Variants in TTC23L observed in about 807,000 individuals in gnomAD.
TTC23L encodes the protein tetratricopeptide repeat domain 23 like.
TTC23L carries 42 observed loss-of-function variants against 48.1 expected under a neutral mutation model. The observed-to-expected ratio is 0.87, with a 90% confidence interval of 0.68 to 1.13. The LOEUF is 1.13. TTC23L is among the 50% of genes most tolerant of loss of function. The pLI is 0.00. For missense variants in TTC23L, 391 were observed against 421.0 expected, an observed-to-expected ratio of 0.93 and a Z score of 0.62; for synonymous variants, 159 against 157.2, an observed-to-expected ratio of 1.01 and a Z score of -0.09.
At chr5:34,847,390 A>G (rs1759296173) in intron 3 of TTC23L, among the ~76,000 whole-genome samples, 1 of 152,172 alleles carries the variant, frequency 6.6e-6, no homozygotes, top group Non-Finnish European at 1.5e-5. Flanking sequence ...AGATCTTAGG[A>G]GAGAAATCTG....
chr5:34,873,875 G>A (rs1346239659), intron 8 of TTC23L, among the ~76,000 whole-genome samples: 1 of 152,142 alleles, frequency 6.6e-6, no homozygotes, highest in Admixed American at 6.5e-5. Context: ...TAGGCTGAAG[G>A]TATTTAAGCA....
In TTC23L at chr5:34,869,146, C is replaced by T. The variant is rs1761268236; in HGVS notation, c.949+133C>T. On this transcript the variant is annotated intron_variant, in intron 8 of 10. Transcript: ENST00000505624. ...AAATTAGGTGGGTCACAGTCTCATA[C>T]AAAATCAATTACACATTAATTTAAA... The T allele has an allele frequency of 1.6e-5, 11 of 669,626 alleles. 1 individual carries two copies. The highest frequency in any genetic ancestry group is 1.3e-4 in the South Asian group (7 of 55,832). The allele number at this position is 669,626 out of a possible 1,614,324, so 41.5% of individuals were successfully genotyped here. A position where few individuals can be genotyped will look rare whatever the true frequency, so the allele number is the denominator to read the frequency against.
the TTC23L span, among the ~76,000 whole-genome samples, chr5:34,904,790 T>C: frequency 5.8e-4 from 89 of 152,200 alleles, no homozygotes; most frequent in African/African-American, 2.1e-3. Flanking sequence ...AGCAAGACCA[T>C]TTTGGAATCA....
rs1345829643 is a variant in TTC23L, at chr5:34,846,571, AAAAAAAT to A, written c.255+900_255+906del. 5.6e-3 allele frequency among the ~76,000 whole-genome samples: 646 copies of A among 115,150 alleles called. 106 individuals are homozygous for A. Among genetic ancestry groups the A allele is most frequent in the African/African-American group, 0.023 (570 of 25,136 alleles). 75.5% of individuals were successfully genotyped at this position (115,150 alleles called of 152,430 possible). On this transcript the variant is annotated intron_variant, in intron 3 of 10. Coordinates refer to ENST00000505624, the Ensembl canonical transcript of TTC23L. Reference sequence around the variant, plus strand: ...AGCTAGACTCTGTCTCAAAAAAAAAAAAAAAATATATATATATATATATATATATACA... The same window carrying A: ...AGCTAGACTCTGTCTCAAAAAAAAAAATATATATATATATATATATATACA...
chr5:34,911,917 A>C, the TTC23L span: 1 of 1,298,640 alleles, frequency 7.7e-7, no homozygotes, highest in Admixed American at 2.2e-5. Context: ...ATTCCGCCCA[A>C]TTTCTCACAT....
chr5:34,867,189 C>T, intron 7 of TTC23L, 120 bp downstream of exon 7: 1 of 1,069,972 alleles, frequency 9.3e-7, no homozygotes, highest in Non-Finnish European at 1.4e-6. Flanking sequence ...TCTGTTTTAA[C>T]CCTGACTTTC....
exon 5 of TTC23L, chr5:34,862,948 T>A: frequency 1.2e-6 from 2 of 1,613,992 alleles, no homozygotes; most frequent in African/African-American, 1.3e-5. Context: ...GAATACACTG[T>A]TGACCTGGAA....
intron 4 of TTC23L, among the ~76,000 whole-genome samples, chr5:34,862,264 A>C (rs1554019504): frequency 6.6e-6 from 1 of 152,082 alleles, no homozygotes; most frequent in Admixed American, 6.5e-5. Flanking sequence ...CTTTCTTTTT[A>C]TGTGTGTTGT....
chr5:34,879,391 C>T (rs891383366), intron 8 of TTC23L, among the ~76,000 whole-genome samples: 6 of 152,044 alleles, frequency 3.9e-5, no homozygotes, highest in East Asian at 3.8e-4. Flanking sequence ...TTGATATAAA[C>T]GTATTATGTT....
At chr5:34,914,092 G>A in the TTC23L span, 7 of 426,624 alleles carry the variant, frequency 1.6e-5, no homozygotes, top group Middle Eastern at 6.8e-4. Context: ...GTGCACTTAC[G>A]TGTTAAAAAA....
chr5:34,855,940 T>A (rs1760096206), intron 4 of TTC23L, among the ~76,000 whole-genome samples: 1 of 152,206 alleles, frequency 6.6e-6, no homozygotes, highest in South Asian at 2.1e-4. Context: ...GTTTACTTTT[T>A]CTTATAATTT....
intron 9 of TTC23L, among the ~76,000 whole-genome samples, chr5:34,892,252 T>C (rs1762916972): frequency 1.3e-5 from 2 of 152,230 alleles, no homozygotes; most frequent in Admixed American, 6.5e-5. Flanking sequence ...CTCACTGGAC[T>C]TTCATTGCTA....
chr5:34,921,907 CAAAAAAA>C, the TTC23L span: 1 of 31,416 alleles, frequency 3.2e-5, no homozygotes, highest in Non-Finnish European at 7.3e-5. Flanking sequence ...AACTGCATCG[CAAAAAAA>C]AAAAAAAAAA....
intron 2 of TTC23L, among the ~76,000 whole-genome samples, chr5:34,842,406 C>G (rs1441068865): frequency 6.6e-6 from 1 of 151,182 alleles, no homozygotes; most frequent in Non-Finnish European, 1.5e-5. Context: ...GTTTGGGGGG[C>G]CCCTATGTAA....
chr5:34,865,435 A>G (rs1325418535), intron 6 of TTC23L, among the ~76,000 whole-genome samples: 4 of 152,234 alleles, frequency 2.6e-5, no homozygotes, highest in African/African-American at 9.6e-5. Context: ...AGGGCAATAA[A>G]TTACAGTCTG....
At chr5:34,897,942 G>A (rs1763333833) in intron 10 of TTC23L, among the ~76,000 whole-genome samples, 1 of 152,086 alleles carries the variant, frequency 6.6e-6, no homozygotes, top group South Asian at 2.1e-4. Context: ...TAATCTTTTT[G>A]ATTCATGGTG....
chr5:34,914,851 C>T, the TTC23L span: 1 of 1,614,152 alleles, frequency 6.2e-7, no homozygotes, highest in Non-Finnish European at 8.5e-7. Flanking sequence ...CAAGGCTGTA[C>T]TGATCATCCT....
chr5:34,915,845 C>A, the TTC23L span: 9 of 1,567,844 alleles, frequency 5.7e-6, no homozygotes, highest in Middle Eastern at 9.9e-4. Context: ...CACGCCACAG[C>A]AGAGGAGGTG....
chr5:34,867,422 C>T (rs896180225), intron 7 of TTC23L: 1 of 255,676 alleles, frequency 3.9e-6, no homozygotes, highest in South Asian at 6.4e-5. Context: ...AAACAAAAGG[C>T]CTTTTTAAAT....
Sources: allele counts gnomAD v4.1 joint callset (sites outside exome capture counted in the v4.1 genomes callset), GRCh38; gene constraint gnomAD v4.1.1; transcripts MANE v1.5; gene names NCBI Gene and HGNC (gene_info 2026-07-23, HGNC 2026-07-21).